Variants in MPPED1 observed in about 807,000 individuals in gnomAD.
The protein encoded by MPPED1 is metallophosphoesterase domain containing 1.
MPPED1 carries 16 observed loss-of-function variants against 36.2 expected under a neutral mutation model. The observed-to-expected ratio is 0.44, with a 90% CI of 0.30 to 0.67. MPPED1 has a LOEUF of 0.67. Among genes scored for constraint, MPPED1 ranks in the 30% least tolerant of loss-of-function variants. The pLI is 0.10. For synonymous variants in MPPED1, 199 were observed against 191.3 expected (o/e 1.04, Z -0.33); for missense variants, 307 against 453.4 (o/e 0.68, Z 2.93).
rs377598999 is a variant in MPPED1, at chr22:43,425,078, C to G, written c.93C>G (p.His31Gln). 28 of 1,613,568 alleles carry G rather than the reference C, an allele frequency of 1.7e-5. No individual in the cohort carries two copies. Among genetic ancestry groups the G allele is most frequent in the Admixed American group, 3.3e-5 (2 of 60,002 alleles). The part of the protein sequence containing the change: ...CGLGMAFSQS[H>Q]VMAARRHQHS... ...TGGGCATGGCATTCTCCCAGTCCCA[C>G]GTGATGGCCGCTCGGCGGCACCAGC... The change falls in exon 2 of 7, where the codon CAC (histidine) becomes CAG (glutamine). Residue 31 changes from histidine to glutamine, a missense_variant. Around this residue, in one of 3 missense-constraint regions of MPPED1, gnomAD observed 169 missense variants for 212.3 expected, o/e 0.80. Coordinates refer to ENST00000443721, the MANE Select transcript of MPPED1 (RefSeq NM_001044370.2).
chr22:43,440,694 G>A (rs112538703), intron 3 of MPPED1, among the ~76,000 whole-genome samples: 2,678 of 152,078 alleles, frequency 0.018, 79 homozygotes, highest in African/African-American at 0.059. Context: ...TGCAGCCTCC[G>A]CAGCCCTCAC....
chr22:43,439,119 C>CT (rs1321498352), intron 3 of MPPED1, among the ~76,000 whole-genome samples: 4 of 152,228 alleles, frequency 2.6e-5, no homozygotes, highest in African/African-American at 9.6e-5. Flanking sequence ...CCTGCGGACT[C>CT]TAACTTGCTG....
intron 3 of MPPED1, among the ~76,000 whole-genome samples, chr22:43,436,340 A>G (rs1298518730): frequency 6.6e-6 from 1 of 152,076 alleles, no homozygotes; most frequent in African/African-American, 2.4e-5. Flanking sequence ...CCGCCTCCCC[A>G]GGGGCGTCCC....
intron 4 of MPPED1, among the ~76,000 whole-genome samples, chr22:43,481,004 G>A (rs1931732588): frequency 6.6e-6 from 1 of 151,732 alleles, no homozygotes; most frequent in Non-Finnish European, 1.5e-5. Context: ...TTGTATTTTT[G>A]TAGAGACAGG....
intron 4 of MPPED1, among the ~76,000 whole-genome samples, chr22:43,493,236 C>T (rs4073965): frequency 0.47 from 71,255 of 152,058 alleles, 16,932 homozygotes; most frequent in Non-Finnish European, 0.5. Context: ...TCCATTCCCT[C>T]GCCAAACCTC....
chr22:43,474,807 G>A lies in MPPED1; in HGVS notation c.478G>A (p.Ala160Thr). Residue 160 changes from alanine (A) to threonine (T), a missense_variant, in exon 4 of 7, where the codon GCC becomes ACC. Around this residue, in one of 3 missense-constraint regions of MPPED1, gnomAD observed 6 missense variants for 28.8 expected, o/e 0.21. Coordinates refer to ENST00000443721, the MANE Select transcript of MPPED1 (RefSeq NM_001044370.2). This position sits in a 1 kb window ranked among gnomAD's most constrained non-coding sequence, Gnocchi z 5.2. ...HELTFDQEFM[A>T]DLIKQDFYYF... Reference sequence around the variant, plus strand: ...GCTGACCTTTGACCAGGAGTTCATGGCCGACCTCATCAAGCAGGACTTTTA... The same window carrying A: ...GCTGACCTTTGACCAGGAGTTCATGACCGACCTCATCAAGCAGGACTTTTA... The A allele has an allele frequency of 6.2e-7, 1 of 1,614,064 alleles. No homozygotes were observed. The highest frequency in any genetic ancestry group is 8.5e-7 in the Non-Finnish European group (1 of 1,179,904).
At chr22:43,466,083 T>C (rs1931160551) in intron 3 of MPPED1, among the ~76,000 whole-genome samples, 1 of 152,342 alleles carries the variant, frequency 6.6e-6, no homozygotes, top group South Asian at 2.1e-4. Context: ...CAGTTGAAGA[T>C]GATTAGGACT....
rs1928919053 is a variant in MPPED1 at position 43,412,056 on chromosome 22, G to A, written c.-181G>A. The A allele has an allele frequency of 3.1e-6, 3 of 979,198 alleles. No homozygotes were observed. The highest frequency in any genetic ancestry group is 1.8e-5 in the African/African-American group (1 of 56,542). The allele number at this position is 979,198 out of a possible 1,614,324, so 60.7% of individuals were successfully genotyped here. A position where few individuals can be genotyped will look rare whatever the true frequency, so the allele number is the denominator to read the frequency against. Reference sequence around the variant, plus strand: ...CGCGGCGAGGCGGCCGCCGCCGGAGGAGCCCCCGCCCCTGCGCGCCTCCCT... The same window carrying A: ...CGCGGCGAGGCGGCCGCCGCCGGAGAAGCCCCCGCCCCTGCGCGCCTCCCT... On this transcript the variant is annotated 5_prime_UTR_variant, in exon 1 of 7. Coordinates refer to ENST00000443721, the MANE Select transcript of MPPED1 (RefSeq NM_001044370.2).
At chr22:43,437,709 C>A (rs1323180078) in intron 3 of MPPED1, among the ~76,000 whole-genome samples, 3 of 152,182 alleles carry the variant, frequency 2.0e-5, no homozygotes, top group African/African-American at 4.8e-5. Flanking sequence ...GCCTCGCATC[C>A]CTCCAAATGT....
chr22:43,414,731 C>T (rs1188829130), intron 1 of MPPED1, among the ~76,000 whole-genome samples: 2 of 152,168 alleles, frequency 1.3e-5, no homozygotes, highest in African/African-American at 4.8e-5. Context: ...TCCCATCGCC[C>T]CTCCCTCACC....
chr22:43,445,033 C>T (rs534423701), intron 3 of MPPED1, among the ~76,000 whole-genome samples: 6 of 152,256 alleles, frequency 3.9e-5, no homozygotes, highest in African/African-American at 1.2e-4. Context: ...TAACTAGGGT[C>T]TGAGCTTCCT....
chr22:43,473,466 C>T (rs1230023519), intron 3 of MPPED1, among the ~76,000 whole-genome samples: 1 of 152,200 alleles, frequency 6.6e-6, no homozygotes, highest in Non-Finnish European at 1.5e-5. Flanking sequence ...CCCCGAGGCC[C>T]CTGTGCTGTG....
chr22:43,422,780 C>T (rs1929319555), intron 1 of MPPED1, among the ~76,000 whole-genome samples: 1 of 152,192 alleles, frequency 6.6e-6, no homozygotes, highest in Admixed American at 6.5e-5. Context: ...GCATTGTACT[C>T]AGGATTCCTG....
intron 3 of MPPED1, among the ~76,000 whole-genome samples, chr22:43,450,852 G>A (rs978691824): frequency 6.6e-6 from 1 of 151,932 alleles, no homozygotes; most frequent in African/African-American, 2.4e-5. Context: ...TCAGCCTCCC[G>A]AGTAGCTGGG....
At chr22:43,482,625 C>T (rs1369761551) in intron 4 of MPPED1, among the ~76,000 whole-genome samples, 1 of 152,194 alleles carries the variant, frequency 6.6e-6, no homozygotes, top group Admixed American at 6.5e-5. Context: ...CAGAACTGCC[C>T]TTGGGATTGA....
intron 3 of MPPED1, among the ~76,000 whole-genome samples, chr22:43,446,031 C>A (rs796616511): frequency 6.7e-6 from 1 of 149,418 alleles, no homozygotes; most frequent in African/African-American, 2.5e-5. Context: ...CCACGACACC[C>A]GGCTGATTTT....
chr22:43,471,656 C>T (rs1931381205), intron 3 of MPPED1, among the ~76,000 whole-genome samples: 1 of 152,234 alleles, frequency 6.6e-6, no homozygotes, highest in South Asian at 2.1e-4. Context: ...GCCCACGCAG[C>T]CCTCTTCCCT....
In MPPED1 at chr22:43,474,442, T is replaced by C. The variant is rs1432282401; in HGVS notation, c.407-294T>C. 6.6e-6 allele frequency among the ~76,000 whole-genome samples: 1 copy of C among 152,242 alleles called. No individual in the cohort carries two copies. The highest frequency in any genetic ancestry group is 2.4e-5 in the African/African-American group (1 of 41,472). On this transcript the variant is annotated intron_variant, in intron 3 of 6. Transcript: ENST00000443721. This position sits in a 1 kb window ranked among gnomAD's most constrained non-coding sequence, Gnocchi z 5.2. ...CTGATGAAGACACCTGTTGGGGGCC[T>C]GGCAGCAGGTACCCCTGTCAGCGAT...
chr22:43,484,149 A>T (rs1286014267), intron 4 of MPPED1, among the ~76,000 whole-genome samples: 2 of 152,226 alleles, frequency 1.3e-5, no homozygotes, highest in Non-Finnish European at 2.9e-5. Context: ...ATTCCAGCAC[A>T]AGGCTGGCCT....
Sources: allele counts gnomAD v4.1 joint callset (sites outside exome capture counted in the v4.1 genomes callset), GRCh38; gene constraint gnomAD v4.1.1; regional missense constraint gnomAD v4.1.1; non-coding constraint Gnocchi (gnomAD v3.1); transcripts MANE v1.5; gene names NCBI Gene and HGNC (gene_info 2026-07-23, HGNC 2026-07-21).